The following FNDC3B variants were observed in gnomAD, a reference collection of about 807,000 sequenced individuals.
FNDC3B encodes the protein fibronectin type III domain-containing protein 3B.
FNDC3B carries 12 observed loss-of-function variants against 151.5 expected under a neutral mutation model. That is an observed-to-expected ratio of 0.08 (90% confidence interval 0.05 to 0.13). The LOEUF (loss-of-function observed/expected upper bound fraction) is 0.13. Ranked by LOEUF, FNDC3B falls within the 10% of genes least tolerant of loss-of-function variation. FNDC3B has a pLI of 1.00. For synonymous variants in FNDC3B, 528 were observed against 549.0 expected (o/e 0.96, Z 0.54); for missense variants, 1,214 against 1,505.3 (o/e 0.81, Z 3.20).
intron 3 of FNDC3B, among the ~76,000 whole-genome samples, chr3:172,202,413 C>T (rs191820727): frequency 0.011 from 1,642 of 152,060 alleles, 27 homozygotes; most frequent in Non-Finnish European, 0.011. Flanking sequence ...GGCTTTTTTT[C>T]GGCCAGTATT....
chr3:172,322,694 T>G (rs913917494), intron 11 of FNDC3B, among the ~76,000 whole-genome samples: 2 of 152,202 alleles, frequency 1.3e-5, no homozygotes, highest in Non-Finnish European at 2.9e-5. Context: ...CGTAACTCTT[T>G]TTCCCATCCC....
intron 11 of FNDC3B, chr3:172,317,279 G>C (rs1368340905): frequency 8.2e-6 from 3 of 364,940 alleles, no homozygotes; most frequent in Non-Finnish European, 1.6e-5. Context: ...TGCCTCCCGG[G>C]TTCACGCCTT....
At chr3:172,366,841 T>G (rs1001284605) in intron 23 of FNDC3B, among the ~76,000 whole-genome samples, 5 of 152,196 alleles carry the variant, frequency 3.3e-5, no homozygotes, top group Non-Finnish European at 5.9e-5. Context: ...TGGAGACTAG[T>G]GATGAAGACT....
rs1233349376 is a variant in FNDC3B at position 172,251,363 on chromosome 3, C to T, written c.612C>T (p.Asn204=). Residue 204 remains asparagine, a synonymous_variant, in exon 6 of 26, where the codon AAC becomes AAT. Coordinates refer to ENST00000415807, the MANE Select transcript of FNDC3B (RefSeq NM_022763.4). ...KLKDRQIDRQ[N]RLNSPPSSIY... ...AAGACCGCCAGATCGATCGCCAGAACCGCCTCAACAGCCCTCCTTCTTCTA... is the reference window on the plus strand; with the variant it reads ...AAGACCGCCAGATCGATCGCCAGAATCGCCTCAACAGCCCTCCTTCTTCTA... The T allele has an allele frequency of 1.2e-6, 2 of 1,614,146 alleles. 1 individual carries two copies. Among genetic ancestry groups the T allele is most frequent in the South Asian group, 2.2e-5 (2 of 91,084 alleles).
intron 1 of FNDC3B, among the ~76,000 whole-genome samples, chr3:172,105,284 A>G (rs1038354346): frequency 3.3e-5 from 5 of 152,072 alleles, no homozygotes; most frequent in South Asian, 2.1e-4. Context: ...TAACTTCTAG[A>G]TGTTTATTTT....
rs531208954 is a variant in FNDC3B at position 172,104,398 on chromosome 3, A to G, written c.-28-8054A>G. Reference sequence around the variant, plus strand: ...TACTCAGTGCTGGAGCCTGTCCACTATAGTTTTTTTTTTTTTTTCCAAAGT... The same window carrying G: ...TACTCAGTGCTGGAGCCTGTCCACTGTAGTTTTTTTTTTTTTTTCCAAAGT... On this transcript the variant is annotated intron_variant, in intron 1 of 25. Transcript: ENST00000415807. 1.1e-4 allele frequency among the ~76,000 whole-genome samples: 16 copies of G among 150,626 alleles called. No homozygotes were observed. In the South Asian group the frequency reaches 2.5e-3, roughly 24 times the overall value.
intron 2 of FNDC3B, among the ~76,000 whole-genome samples, chr3:172,123,528 A>G (rs1399766783): frequency 6.6e-6 from 1 of 152,060 alleles, no homozygotes; most frequent in Non-Finnish European, 1.5e-5. Context: ...TTTGGTCTTT[A>G]TATTGGAGTG....
intron 6 of FNDC3B, among the ~76,000 whole-genome samples, chr3:172,276,182 T>G (rs1008141869): frequency 1.5e-4 from 23 of 152,220 alleles, no homozygotes; most frequent in Non-Finnish European, 1.5e-5. Context: ...TTTATGCCAC[T>G]GAAATCTCTC....
intron 11 of FNDC3B, among the ~76,000 whole-genome samples, chr3:172,319,691 TCC>T (rs1374904201): frequency 4.5e-4 from 69 of 152,264 alleles, no homozygotes; most frequent in Non-Finnish European, 5.4e-4. Context: ...TGTCCCTCCC[TCC>T]CTGTTAGGAG....
In FNDC3B at chr3:172,362,561, A is replaced by T. The variant is rs991312409; in HGVS notation, c.2796-72A>T. On this transcript the variant is annotated intron_variant, in intron 22 of 25. Transcript: ENST00000415807. ...GGACAAGTAATAAATACTATGCTCA[A>T]TGTTTATTTCGAATGAAGAATTGCT... 1.6e-5 allele frequency: 18 copies of T among 1,116,272 alleles called. No individual in the cohort carries two copies. In the African/African-American group the frequency reaches 2.6e-4, roughly 16 times the overall value. The allele number at this position is 1,116,272 out of a possible 1,614,324, so 69.1% of individuals were successfully genotyped here.
intron 6 of FNDC3B, among the ~76,000 whole-genome samples, chr3:172,277,138 G>A (rs1013620215): frequency 2.6e-5 from 4 of 152,048 alleles, no homozygotes; most frequent in Non-Finnish European, 4.4e-5. Flanking sequence ...GAAAAAACGT[G>A]TGTGTGTGTA....
At chr3:172,218,064 A>G (rs11711920) in intron 3 of FNDC3B, among the ~76,000 whole-genome samples, 8 of 151,526 alleles carry the variant, frequency 5.3e-5, no homozygotes, top group Non-Finnish European at 1.0e-4. Flanking sequence ...TTTAAAGACA[A>G]TGACTGGGCC....
At chr3:172,168,787 A>G (rs1264416833) in intron 3 of FNDC3B, among the ~76,000 whole-genome samples, 1 of 143,760 alleles carries the variant, frequency 7.0e-6, no homozygotes, top group Admixed American at 7.2e-5. Flanking sequence ...ATCTCGGCTC[A>G]CTGCAACCTC....
intron 1 of FNDC3B, among the ~76,000 whole-genome samples, chr3:172,093,298 A>G (rs1294109471): frequency 1.2e-4 from 18 of 144,780 alleles, no homozygotes; most frequent in East Asian, 2.0e-4. Context: ...TTGCTCTGTC[A>G]CCCAGGCTGG....
chr3:172,153,314 T>C (rs1267880143), intron 3 of FNDC3B, among the ~76,000 whole-genome samples: 2 of 152,242 alleles, frequency 1.3e-5, no homozygotes, highest in Non-Finnish European at 2.9e-5. Flanking sequence ...GTGTCTCCCC[T>C]GAGCTGGTGT....
At chr3:172,231,733 T>C (rs1726900019) in intron 4 of FNDC3B, among the ~76,000 whole-genome samples, 1 of 151,638 alleles carries the variant, frequency 6.6e-6, no homozygotes, top group Non-Finnish European at 1.5e-5. Flanking sequence ...CCCATTATGA[T>C]ACAATCTCAC....
chr3:172,269,676 ACT>A (rs1219606251), intron 6 of FNDC3B, among the ~76,000 whole-genome samples: 1 of 150,864 alleles, frequency 6.6e-6, no homozygotes, highest in African/African-American at 2.4e-5. Context: ...AGAGGGTCTC[ACT>A]CTGTCGCCCA....
At chr3:172,091,882 G>GTGTGTGTC (rs1408710513) in intron 1 of FNDC3B, among the ~76,000 whole-genome samples, 4 of 149,612 alleles carry the variant, frequency 2.7e-5, no homozygotes, top group Admixed American at 6.6e-5. Context: ...GGGTGTGTGT[G>GTGTGTGTC]TGTGTGTGTG....
At chr3:172,351,750 T>G (rs1271597008) in intron 21 of FNDC3B, among the ~76,000 whole-genome samples, 1 of 151,958 alleles carries the variant, frequency 6.6e-6, no homozygotes, top group African/African-American at 2.4e-5. Context: ...GAGAGGGGTA[T>G]GAGAGGAAGA....
Sources: gnomAD v4.1 joint callset for allele counts (sites outside exome capture counted in the v4.1 genomes callset) on GRCh38, gnomAD v4.1.1 for gene constraint, MANE v1.5 for transcripts, NCBI Gene and HGNC (gene_info 2026-07-23, HGNC 2026-07-21) for gene names.